GLRB: variants seen among roughly 807,000 people sequenced by gnomAD.
GLRB encodes glycine receptor beta.
Under a neutral mutation model 54.2 loss-of-function variants are expected in GLRB, and 33 were observed. The ratio of observed to expected loss-of-function variants is 0.61; its 90% confidence interval spans 0.46 to 0.81. The LOEUF is 0.81. Among genes scored for constraint, GLRB ranks in the 40% least tolerant of loss-of-function variants. The probability of loss-of-function intolerance (pLI) is 0.00; values close to 1 mark genes in which losing one functional copy is unlikely to be tolerated. For synonymous variants in GLRB, 209 were observed against 208.2 expected (o/e 1.00, Z -0.03); for missense variants, 572 against 584.6 (o/e 0.98, Z 0.22).
At chr4:157,107,857 CCAGT>C (rs1352344942) in intron 2 of GLRB, among the ~76,000 whole-genome samples, 1 of 151,922 alleles carries the variant, frequency 6.6e-6, no homozygotes, top group Non-Finnish European at 1.5e-5. Flanking sequence ...AAGTCAATGC[CCAGT>C]CAAAGAACAG....
chr4:157,125,932 G>C lies in GLRB; in HGVS notation c.297+3535G>C, dbSNP rs1171416267. The stretch of plus-strand genomic sequence containing the variant: ...CAAAGGAAGTCTTAACATTTAAAAA[G>C]CTTCAGTATTGCTCTGTGCTTTCCT... On this transcript the variant is annotated intron_variant, in intron 4 of 9. Coordinates refer to ENST00000264428, the MANE Select transcript of GLRB (RefSeq NM_000824.5). Among the ~76,000 whole-genome samples, 3 of 151,794 alleles carry C rather than the reference G, an allele frequency of 2.0e-5. No homozygotes were observed. The East Asian group carries it at 5.8e-4, about 30-fold the overall frequency.
chr4:157,087,099 G>A (rs764500524), intron 2 of GLRB, among the ~76,000 whole-genome samples: 1 of 152,082 alleles, frequency 6.6e-6, no homozygotes, highest in Non-Finnish European at 1.5e-5. Flanking sequence ...GTTTGCATAA[G>A]AGCTCCATTT....
At chr4:157,091,084 A>G (rs1368474938) in intron 2 of GLRB, among the ~76,000 whole-genome samples, 4 of 152,120 alleles carry the variant, frequency 2.6e-5, no homozygotes, top group African/African-American at 9.7e-5. Flanking sequence ...CAATCTATCT[A>G]TTAAATCTAT....
At chr4:157,120,487 A>G (rs1735772963) in intron 2 of GLRB, 69 bp from the exon 3 acceptor site, 9 of 738,042 alleles carry the variant, frequency 1.2e-5, no homozygotes, top group Non-Finnish European at 1.9e-5. Flanking sequence ...CTTTCCTCCC[A>G]ATGAGAATTA....
chr4:157,076,287 G>GGC lies in GLRB; in HGVS notation c.-37_-36dup, dbSNP rs1319870453. ...ATCTCGCCCGGCGATTGTGGGCAGG[G>GGC]GCGCCTCCGGGTAAGTGCCAGGAGC... On this transcript the variant is annotated 5_prime_UTR_variant, in exon 1 of 10. Transcript: ENST00000264428. 1 of 151,476 alleles carries GGC rather than the reference G, an allele frequency of 6.6e-6. No individual in the cohort carries two copies. Among genetic ancestry groups the GGC allele is most frequent in the African/African-American group, 2.4e-5 (1 of 41,384 alleles). The allele number at this position is 151,476 out of a possible 1,614,324, so 9.4% of individuals were successfully genotyped here.
At chr4:157,117,184 G>T (rs1560951717) in intron 2 of GLRB, among the ~76,000 whole-genome samples, 1 of 151,608 alleles carries the variant, frequency 6.6e-6, no homozygotes, top group Non-Finnish European at 1.5e-5. Flanking sequence ...AAATACATAT[G>T]CCCTAAAGCA....
At chr4:157,101,591 A>G (rs1050997372) in intron 2 of GLRB, among the ~76,000 whole-genome samples, 30 of 152,132 alleles carry the variant, frequency 2.0e-4, no homozygotes, top group African/African-American at 7.0e-4. Context: ...TTTAGATCTC[A>G]TTGCCTACTG....
intron 9 of GLRB, among the ~76,000 whole-genome samples, chr4:157,154,530 C>T (rs1737153161): frequency 7.0e-6 from 1 of 143,094 alleles, no homozygotes; most frequent in Non-Finnish European, 1.5e-5. Context: ...CAGGTTCAAA[C>T]GATTCTCCTG....
chr4:157,138,320 C>T (rs935889504), intron 6 of GLRB, among the ~76,000 whole-genome samples: 2 of 152,108 alleles, frequency 1.3e-5, no homozygotes, highest in African/African-American at 2.4e-5. Context: ...GTGATCCACC[C>T]GCCTTGGCCT....
Position 157,135,311 on chromosome 4 carries a change from G to A in GLRB, c.298-1158G>A, listed in dbSNP as rs77074922. Among the ~76,000 whole-genome samples, 231 of 152,124 alleles carry A rather than the reference G, an allele frequency of 1.5e-3. 5 individuals carry two copies. In the East Asian group the frequency reaches 0.039, roughly 26 times the overall value. On this transcript the variant is annotated intron_variant, in intron 4 of 9. Transcript: ENST00000264428. ...AGCAATTCAAAGTTACAGGGTTTTG[G>A]TGATTTACCTTGATAAAACACAGCA...
intron 2 of GLRB, chr4:157,091,430 C>G (rs1344470753): frequency 6.6e-6 from 1 of 152,192 alleles, no homozygotes; most frequent in Non-Finnish European, 1.5e-5. Context: ...AAAACACCAA[C>G]AGTTTTTCCC....
At chr4:157,147,708 G>A (rs1736864822) in intron 8 of GLRB, among the ~76,000 whole-genome samples, 1 of 152,060 alleles carries the variant, frequency 6.6e-6, no homozygotes, top group Non-Finnish European at 1.5e-5. Context: ...AAGAGGGGAT[G>A]AGATCCAGGA....
intron 8 of GLRB, among the ~76,000 whole-genome samples, chr4:157,147,314 A>G (rs890499119): frequency 3.9e-5 from 6 of 152,344 alleles, no homozygotes; most frequent in African/African-American, 1.4e-4. Context: ...AGGTCAAGAA[A>G]GTGACCAACC....
chr4:157,119,587 A>C (rs2126527532), intron 2 of GLRB, among the ~76,000 whole-genome samples: 1 of 151,770 alleles, frequency 6.6e-6, no homozygotes, highest in African/African-American at 2.4e-5. Flanking sequence ...CATTTAGTAA[A>C]GTTAATTGTT....
chr4:157,081,780 G>A (rs1430827752), intron 2 of GLRB, among the ~76,000 whole-genome samples: 6 of 151,964 alleles, frequency 3.9e-5, no homozygotes, highest in Non-Finnish European at 7.4e-5. Flanking sequence ...TGACCTTACC[G>A]TGTATTTTCC....
intron 9 of GLRB, among the ~76,000 whole-genome samples, chr4:157,166,631 C>T (rs1211402773): frequency 6.6e-6 from 1 of 151,922 alleles, no homozygotes; most frequent in Non-Finnish European, 1.5e-5. Context: ...TCCGTCCACC[C>T]CACATGTGCA....
intron 9 of GLRB, among the ~76,000 whole-genome samples, chr4:157,161,314 C>T (rs1372605398): frequency 6.6e-6 from 1 of 152,160 alleles, no homozygotes; most frequent in Non-Finnish European, 1.5e-5. Flanking sequence ...TTAATTGGAG[C>T]ATTTAGCCCA....
intron 9 of GLRB, among the ~76,000 whole-genome samples, chr4:157,165,647 A>G (rs551459930): frequency 6.6e-6 from 1 of 152,028 alleles, no homozygotes; most frequent in South Asian, 2.1e-4. Flanking sequence ...TTTTCCCAGT[A>G]AAAGTGGTGC....
chr4:157,125,457 C>A (rs565701602), intron 4 of GLRB, among the ~76,000 whole-genome samples: 1 of 151,802 alleles, frequency 6.6e-6, no homozygotes, highest in South Asian at 2.1e-4. Flanking sequence ...GCATAGCAAC[C>A]ACTATGCCAG....
Sources: allele counts gnomAD v4.1 joint callset (sites outside exome capture counted in the v4.1 genomes callset), GRCh38; gene constraint gnomAD v4.1.1; transcripts MANE v1.5; gene names NCBI Gene and HGNC (gene_info 2026-07-23, HGNC 2026-07-21).